ZMYM2: variants seen among roughly 807,000 people sequenced by gnomAD.
ZMYM2 encodes zinc finger MYM-type containing 2.
Under a neutral mutation model 162.8 loss-of-function variants are expected in ZMYM2, and 56 were observed. The ratio of observed to expected loss-of-function variants is 0.34; its 90% confidence interval spans 0.28 to 0.43. The LOEUF (loss-of-function observed/expected upper bound fraction) is 0.43, where lower values mean the gene tolerates loss of function less well. Ranked by LOEUF, ZMYM2 falls within the 20% of genes least tolerant of loss-of-function variation. ZMYM2 has a pLI of 1.00. For synonymous variants in ZMYM2, 510 were observed against 541.6 expected (o/e 0.94, Z 0.81); for missense variants, 1,275 against 1,621.8 (o/e 0.79, Z 3.67).
At chr13:20,011,591 T>TTTTTTG in intron 6 of ZMYM2, among the ~76,000 whole-genome samples, 1 of 151,406 alleles carries the variant, frequency 6.6e-6, no homozygotes, top group Non-Finnish European at 1.5e-5. Flanking sequence ...TTTTTTTTTT[T>TTTTTTG]TGAGGGGTGA....
At chr13:19,912,292 G>GTTTTTTTTTTTTTTTTTTTTTTGT in the ZMYM2 span, among the ~76,000 whole-genome samples, 2 of 75,700 alleles carry the variant, frequency 2.6e-5, no homozygotes, top group Non-Finnish European at 4.9e-5. Context: ...TGTTTTTTGG[G>GTTTTTTTTTTTTTTTTTTTTTTGT]TTTTTTTTTT....
At chr13:19,889,290 C>T in the ZMYM2 span, among the ~76,000 whole-genome samples, 1 of 151,840 alleles carries the variant, frequency 6.6e-6, no homozygotes, top group Non-Finnish European at 1.5e-5. Flanking sequence ...CAGTGAGTGC[C>T]TATTGGTTGT....
chr13:19,910,545 T>G, the ZMYM2 span, among the ~76,000 whole-genome samples: 1 of 151,460 alleles, frequency 6.6e-6, no homozygotes, highest in Non-Finnish European at 1.5e-5. Flanking sequence ...TTTTTTTTTT[T>G]TTTGAGACAG....
the ZMYM2 span, among the ~76,000 whole-genome samples, chr13:19,909,263 A>C: frequency 2.0e-5 from 3 of 152,128 alleles, no homozygotes; most frequent in Non-Finnish European, 2.9e-5. Flanking sequence ...AATTACTTAA[A>C]AATCTTTCCA....
the ZMYM2 span, among the ~76,000 whole-genome samples, chr13:19,898,746 C>T: frequency 6.6e-6 from 1 of 151,128 alleles, no homozygotes; most frequent in Non-Finnish European, 1.5e-5. Context: ...GGCAACAAGG[C>T]AAGACCCTGT....
At chr13:20,037,241 A>G (rs9509012) in intron 12 of ZMYM2, among the ~76,000 whole-genome samples, 108,061 of 126,604 alleles carry the variant, frequency 0.85, 46,449 homozygotes, top group Non-Finnish European at 0.92. Flanking sequence ...TTTTTTTGAG[A>G]TGAAATCTCT....
chr13:19,876,802 TCC>T, the ZMYM2 span, among the ~76,000 whole-genome samples: 1 of 152,196 alleles, frequency 6.6e-6, no homozygotes, highest in African/African-American at 2.4e-5. Context: ...AGACAATAAC[TCC>T]CCATTTCCCC....
At chr13:19,970,091 C>T in intron 2 of ZMYM2, 1 of 983,668 alleles carries the variant, frequency 1.0e-6, no homozygotes, top group Non-Finnish European at 1.2e-6. Flanking sequence ...TTTTAAAAGC[C>T]CTCTACTCCA....
the ZMYM2 span, among the ~76,000 whole-genome samples, chr13:19,925,981 G>C: frequency 6.7e-6 from 1 of 148,348 alleles, no homozygotes; most frequent in African/African-American, 2.5e-5. Context: ...TTTTTTTTGA[G>C]ACGGAGTCTT....
intron 14 of ZMYM2, 97 bp from the exon 15 acceptor site, chr13:20,058,478 T>C (rs2140724609): frequency 7.0e-7 from 1 of 1,420,000 alleles, no homozygotes; most frequent in Non-Finnish European, 9.4e-7. Context: ...TCTGCTTTTG[T>C]GTGTTCCCTT....
chr13:20,066,687 C>G (rs1956704327), intron 19 of ZMYM2, 164 bp from the exon 20 acceptor site: 5 of 544,216 alleles, frequency 9.2e-6, no homozygotes, highest in Non-Finnish European at 1.5e-5. Flanking sequence ...GTTGGAGAGG[C>G]AGGCACACAG....
intron 7 of ZMYM2, among the ~76,000 whole-genome samples, chr13:20,022,608 A>G (rs1952216887): frequency 6.6e-6 from 1 of 152,232 alleles, no homozygotes; most frequent in South Asian, 2.1e-4. Context: ...GAAAAATTGT[A>G]AATTAAACAG....
At chr13:20,042,383 G>A (rs975271679) in intron 12 of ZMYM2, among the ~76,000 whole-genome samples, 7 of 152,022 alleles carry the variant, frequency 4.6e-5, no homozygotes, top group African/African-American at 1.4e-4. Flanking sequence ...TGAAATTCTC[G>A]TAGTGTGTTT....
intron 2 of ZMYM2, among the ~76,000 whole-genome samples, chr13:19,984,594 G>A (rs1367508363): frequency 6.6e-6 from 1 of 152,230 alleles, no homozygotes; most frequent in African/African-American, 2.4e-5. Context: ...ACTGGAGGTA[G>A]AAGAGTGGCG....
chr13:19,979,866 C>CAAAGT (rs1309889062), intron 2 of ZMYM2, among the ~76,000 whole-genome samples: 2 of 152,118 alleles, frequency 1.3e-5, no homozygotes, highest in Non-Finnish European at 1.5e-5. Flanking sequence ...TCTAGAGATC[C>CAAAGT]AAAGTAGTTG....
chr13:20,012,350 A>ATT (rs113216366), intron 6 of ZMYM2, among the ~76,000 whole-genome samples: 30 of 150,570 alleles, frequency 2.0e-4, no homozygotes, highest in Middle Eastern at 3.4e-3. Flanking sequence ...TAATTTTTGT[A>ATT]TTTTTTTTTA....
chr13:19,870,599 T>TTCCTTC, the ZMYM2 span, among the ~76,000 whole-genome samples: 4 of 131,700 alleles, frequency 3.0e-5, no homozygotes, highest in African/African-American at 9.2e-5. Context: ...TTCCTTCCTT[T>TTCCTTC]CTTTCTTTCT....
chr13:19,912,294 T>G, the ZMYM2 span, among the ~76,000 whole-genome samples: 2 of 59,758 alleles, frequency 3.3e-5, no homozygotes, highest in Non-Finnish European at 6.4e-5. Context: ...TTTTTTGGGT[T>G]TTTTTTTTTT....
the ZMYM2 span, among the ~76,000 whole-genome samples, chr13:19,918,495 C>CTTTTTTTTTTTTTTTTTTTTTTTTT: frequency 7.4e-5 from 8 of 107,498 alleles, 1 homozygote; most frequent in Admixed American, 1.1e-4. Flanking sequence ...TTCTTTCTTT[C>CTTTTTTTTTTTTTTTTTTTTTTTTT]TTTTTTTTTT....
Sources: gnomAD v4.1 joint callset for allele counts (sites outside exome capture counted in the v4.1 genomes callset) on GRCh38, gnomAD v4.1.1 for gene constraint, MANE v1.5 for transcripts, NCBI Gene and HGNC (gene_info 2026-07-23, HGNC 2026-07-21) for gene names.